Variants in PMFBP1 observed in about 807,000 individuals in gnomAD.
PMFBP1 encodes the protein polyamine modulated factor 1 binding protein 1.
In PMFBP1, 131 loss-of-function variants were observed where a neutral mutation model predicts 137.8. The observed-to-expected ratio is 0.95, with a 90% confidence interval of 0.82 to 1.10. The LOEUF is 1.10. Ranked by LOEUF, PMFBP1 falls within the 50% of genes least tolerant of loss-of-function variation. The probability of loss-of-function intolerance (pLI) is 0.00; values close to 1 mark genes in which losing one functional copy is unlikely to be tolerated. For missense variants in PMFBP1, 1,199 were observed against 1,175.4 expected (o/e 1.02, Z -0.29); for synonymous variants, 490 against 450.4 (o/e 1.09, Z -1.11).
chr16:72,134,252 G>A (rs1023883515), intron 9 of PMFBP1, among the ~76,000 whole-genome samples: 1 of 152,176 alleles, frequency 6.6e-6, no homozygotes. Flanking sequence ...CTTCTGAGGA[G>A]GCAAGATCTG....
chr16:72,154,284 T>C lies in PMFBP1; in HGVS notation c.341A>G (p.Tyr114Cys). ...AGTCTGCTTCTCTAGGATGGACTGA[T>C]ACTGGCGGAGAGAATAGTAAGAAGT... ...LQTSYYSLRQ[Y>C]QSILEKQTSD... Residue 114 changes from tyrosine (Y) to cysteine (C), a missense_variant, in exon 4 of 21, where the codon TAT becomes TGT. By Grantham distance (194) the Tyr-to-Cys change is radical (BLOSUM62 -2). Coordinates refer to ENST00000237353, the MANE Select transcript of PMFBP1 (RefSeq NM_031293.3). 3 of 1,614,174 alleles carry C rather than the reference T, an allele frequency of 1.9e-6. No individual in the cohort carries two copies. The highest frequency in any genetic ancestry group is 1.7e-6 in the Non-Finnish European group (2 of 1,180,010).
At chr16:72,131,521 C>G (rs1354506074) in intron 10 of PMFBP1, among the ~76,000 whole-genome samples, 3 of 152,152 alleles carry the variant, frequency 2.0e-5, no homozygotes, top group Admixed American at 6.5e-5. Context: ...AAGGCAGCTA[C>G]AAAGTTAGAG....
chr16:72,233,016 C>G, the PMFBP1 span, among the ~76,000 whole-genome samples: 1 of 151,954 alleles, frequency 6.6e-6, no homozygotes, highest in Non-Finnish European at 1.5e-5. Context: ...TGTCAGAAAA[C>G]ATAAAAACTT....
chr16:72,146,471 A>C (rs989317545), intron 5 of PMFBP1, among the ~76,000 whole-genome samples: 1 of 152,320 alleles, frequency 6.6e-6, no homozygotes, highest in African/African-American at 2.4e-5. Context: ...GCACAAGACA[A>C]GGATGCCCTC....
the PMFBP1 span, among the ~76,000 whole-genome samples, chr16:72,216,781 C>T: frequency 5.6e-3 from 856 of 152,262 alleles, 11 homozygotes; most frequent in African/African-American, 0.019. Flanking sequence ...CATAGGATTC[C>T]AGCATTTGTT....
intron 3 of PMFBP1, among the ~76,000 whole-genome samples, chr16:72,157,512 C>T (rs1447225279): frequency 6.6e-6 from 1 of 152,106 alleles, no homozygotes; most frequent in Non-Finnish European, 1.5e-5. Flanking sequence ...TGAGGAGCCC[C>T]AGGGGTTGCA....
chr16:72,142,941 G>C (rs985621253), intron 5 of PMFBP1, among the ~76,000 whole-genome samples: 14 of 151,920 alleles, frequency 9.2e-5, no homozygotes, highest in African/African-American at 2.7e-4. Context: ...TCTGAAAATA[G>C]ATGAAAAAAA....
the PMFBP1 span, among the ~76,000 whole-genome samples, chr16:72,248,218 T>A: frequency 6.6e-6 from 1 of 152,224 alleles, no homozygotes; most frequent in Non-Finnish European, 1.5e-5. Flanking sequence ...CCAAAGTTGT[T>A]TGGAACAATG....
chr16:72,137,477 T>G (rs1362678840), intron 7 of PMFBP1, among the ~76,000 whole-genome samples: 2 of 152,106 alleles, frequency 1.3e-5, no homozygotes, highest in Non-Finnish European at 2.9e-5. Context: ...GTTGCAATTT[T>G]AAGTAGGAGG....
At position 72,164,508 on chromosome 16, in the gene PMFBP1, G is replaced by T. The variant is rs977632004; in HGVS notation, c.165+256C>A. ...TGAGCTGTAAATACAGGTGTGAAAG[G>T]CCAGATAAGGAAAACATCGTGCCTA... On this transcript the variant is annotated intron_variant, in intron 3 of 20. Transcript: ENST00000237353. 10 of 1,419,496 alleles carry T rather than the reference G, an allele frequency of 7.0e-6. No individual in the cohort carries two copies. The Admixed American group carries it at 1.0e-4, about 14-fold the overall frequency. 87.9% of individuals were successfully genotyped at this position (1,419,496 alleles called of 1,614,324 possible).
the PMFBP1 span, among the ~76,000 whole-genome samples, chr16:72,219,390 G>C: frequency 6.6e-6 from 1 of 152,156 alleles, no homozygotes; most frequent in Non-Finnish European, 1.5e-5. Context: ...TGGGTCTGAA[G>C]CAGGACGGCA....
chr16:72,177,027 G>A (rs1322539058), upstream of PMFBP1: 1 of 152,174 alleles, frequency 6.6e-6, no homozygotes, highest in African/African-American at 2.4e-5. Context: ...AACAGCCAGG[G>A]TCAGGGAGAG....
chr16:72,232,414 G>C, the PMFBP1 span, among the ~76,000 whole-genome samples: 1 of 152,184 alleles, frequency 6.6e-6, no homozygotes, highest in African/African-American at 2.4e-5. Flanking sequence ...GAAGATCTCA[G>C]CTTCTCAGAC....
At position 72,140,453 on chromosome 16, in the gene PMFBP1, T is replaced by C. The variant is rs376937169; in HGVS notation, c.766A>G (p.Ile256Val). The C allele has an allele frequency of 3.1e-6, 5 of 1,610,262 alleles. No homozygotes were observed. Among genetic ancestry groups the C allele is most frequent in the African/African-American group, 1.3e-5 (1 of 74,860 alleles). ...GCCAGCTTATTTCGAAGTTCTTGAA[T>C]GAGATCATCCTGTTGAGAGACCTTT... ...WQKVSQQDDL[I>V]QELRNKLACS... The change falls in exon 6 of 21, where the codon ATT (isoleucine) becomes GTT (valine). Residue 256 changes from isoleucine (I) to valine (V), a missense_variant. Physicochemically the swap from Ile to Val is conservative, Grantham distance 29. Coordinates refer to ENST00000237353, the MANE Select transcript of PMFBP1 (RefSeq NM_031293.3).
the PMFBP1 span, among the ~76,000 whole-genome samples, chr16:72,213,764 G>A: frequency 7.2e-5 from 11 of 152,296 alleles, no homozygotes; most frequent in South Asian, 4.1e-4. Context: ...AAAGTTGAGC[G>A]AAAACTGATA....
At chr16:72,240,001 G>T in the PMFBP1 span, among the ~76,000 whole-genome samples, 3 of 152,024 alleles carry the variant, frequency 2.0e-5, no homozygotes, top group Non-Finnish European at 4.4e-5. Flanking sequence ...GAGGGTTTAG[G>T]GGTTTCTTAC....
upstream of PMFBP1, chr16:72,176,895 C>G (rs1403543224): frequency 1.3e-5 from 2 of 152,272 alleles, no homozygotes; most frequent in African/African-American, 4.8e-5. Flanking sequence ...ACCAGCTCTT[C>G]AGCGATTCCA....
At chr16:72,237,742 C>G in the PMFBP1 span, among the ~76,000 whole-genome samples, 1 of 151,788 alleles carries the variant, frequency 6.6e-6, no homozygotes, top group Non-Finnish European at 1.5e-5. Context: ...ATTTTGTCAC[C>G]CAGGTATGAA....
At chr16:72,230,749 C>T in the PMFBP1 span, among the ~76,000 whole-genome samples, 1 of 152,182 alleles carries the variant, frequency 6.6e-6, no homozygotes, top group East Asian at 1.9e-4. Flanking sequence ...CATCCCTTCT[C>T]CTCCTCAGCT....
Sources: allele counts gnomAD v4.1 joint callset (sites outside exome capture counted in the v4.1 genomes callset), GRCh38; gene constraint gnomAD v4.1.1; transcripts MANE v1.5; gene names NCBI Gene and HGNC (gene_info 2026-07-23, HGNC 2026-07-21).